CNTNAP5: variants seen among roughly 807,000 people sequenced by gnomAD.
CNTNAP5 encodes contactin-associated protein-like 5.
In CNTNAP5, 72 loss-of-function variants were observed where a neutral mutation model predicts 150.2. The ratio of observed to expected loss-of-function variants is 0.48; its 90% CI spans 0.40 to 0.58. The LOEUF is 0.58. CNTNAP5 is among the 20% of genes least tolerant of loss of function. CNTNAP5 has a pLI of 0.00. For synonymous variants in CNTNAP5, 672 were observed against 619.8 expected, an observed-to-expected ratio of 1.08 and a Z score of -1.25; for missense variants, 1,636 against 1,626.2, an observed-to-expected ratio of 1.01 and a Z score of -0.10.
intron 14 of CNTNAP5, among the ~76,000 whole-genome samples, chr2:124,751,234 A>G (rs1049769461): frequency 6.6e-6 from 1 of 151,886 alleles, no homozygotes; most frequent in Non-Finnish European, 1.5e-5. Context: ...GGTAGGGGGA[A>G]CATCTGTGTG....
intron 19 of CNTNAP5, among the ~76,000 whole-genome samples, chr2:124,835,592 A>G (rs1374368976): frequency 6.6e-6 from 1 of 151,954 alleles, no homozygotes; most frequent in African/African-American, 2.4e-5. Flanking sequence ...ATAAAATCCA[A>G]CCCTGGAATG....
intron 3 of CNTNAP5, among the ~76,000 whole-genome samples, chr2:124,370,695 A>T (rs760841820): frequency 2.6e-5 from 4 of 152,186 alleles, no homozygotes; most frequent in Non-Finnish European, 4.4e-5. Flanking sequence ...TCCACTGTTT[A>T]GATGTCCATA....
At position 124,775,171 on chromosome 2, in the gene CNTNAP5, A is replaced by G. The variant is rs552345400; in HGVS notation, c.2752+2154A>G. 5.3e-5 allele frequency among the ~76,000 whole-genome samples: 8 copies of G among 152,324 alleles called. No individual in the cohort carries two copies. In the East Asian group the frequency reaches 1.5e-3, roughly 29 times the overall value. ...GTTTGAATTTTCCTATTTAGAGTTC[A>G]GTGATATGCCCATTTAGAAATGTCA... is the stretch of plus-strand genomic sequence containing the variant. On this transcript the variant is annotated intron_variant, in intron 17 of 23. Coordinates refer to ENST00000682447, the MANE Select transcript of CNTNAP5 (RefSeq NM_001367498.1).
At chr2:124,602,887 T>G (rs1476289075) in intron 11 of CNTNAP5, among the ~76,000 whole-genome samples, 1 of 152,192 alleles carries the variant, frequency 6.6e-6, no homozygotes, top group Non-Finnish European at 1.5e-5. Context: ...CAACTCATCT[T>G]TTAAAACATA....
chr2:124,025,918 C>T (rs1680874972), intron 1 of CNTNAP5, among the ~76,000 whole-genome samples, 186 bp downstream of exon 1: 2 of 152,152 alleles, frequency 1.3e-5, no homozygotes, highest in Non-Finnish European at 2.9e-5. Flanking sequence ...ATGAGCCAAC[C>T]GTGCTGGATT....
At chr2:124,087,554 TCTA>T (rs1172555269) in intron 1 of CNTNAP5, among the ~76,000 whole-genome samples, 1 of 151,750 alleles carries the variant, frequency 6.6e-6, no homozygotes, top group Non-Finnish European at 1.5e-5. Flanking sequence ...AAACCCCATT[TCTA>T]CTAAAAATAC....
rs1573680467 is a variant in CNTNAP5 at position 124,875,784 on chromosome 2, T to C, written c.3436+6022T>C. Among the ~76,000 whole-genome samples, 3 of 151,024 alleles carry C rather than the reference T, an allele frequency of 2.0e-5. No individual in the cohort carries two copies. The South Asian group carries it at 6.3e-4, about 32-fold the overall frequency. On this transcript the variant is annotated intron_variant, in intron 21 of 23. Coordinates refer to ENST00000682447, the MANE Select transcript of CNTNAP5 (RefSeq NM_001367498.1). The stretch of plus-strand genomic sequence containing the variant: ...TGTAACTTCCAGGGAGGTGCTCAAC[T>C]GTGCTCCAAAAGAGCAATTCTGAAC...
chr2:124,563,270 C>T lies in CNTNAP5; in HGVS notation c.1703C>T (p.Thr568Ile). ...GGAAGCTGCTCCCAGTCCTGGACTA[C>T]CTTCTATTGTAACTGCAGTGACACA... ...HGGSCSQSWT[T>I]FYCNCSDTSY... The change falls in exon 11 of 24, where the codon ACC becomes ATC. Residue 568 changes from threonine (T) to isoleucine (I), a missense_variant. Physicochemically the swap from Thr to Ile is moderately conservative, Grantham distance 89 (BLOSUM62 -1). Transcript: ENST00000682447. 6.3e-7 allele frequency: 1 copy of T among 1,589,572 alleles called. No homozygotes were observed. Among genetic ancestry groups the T allele is most frequent in the Non-Finnish European group, 8.6e-7 (1 of 1,167,172 alleles).
chr2:124,074,099 C>T (rs565435699), intron 1 of CNTNAP5, among the ~76,000 whole-genome samples: 1 of 152,152 alleles, frequency 6.6e-6, no homozygotes, highest in East Asian at 1.9e-4. Context: ...GAAAGACAGA[C>T]TTTGCATATT....
At chr2:124,059,352 G>A (rs889182585) in intron 1 of CNTNAP5, among the ~76,000 whole-genome samples, 4 of 152,116 alleles carry the variant, frequency 2.6e-5, no homozygotes, top group Admixed American at 1.3e-4. Flanking sequence ...AGTAAATAAG[G>A]TCTCCCTCTA....
intron 11 of CNTNAP5, among the ~76,000 whole-genome samples, chr2:124,566,275 A>G (rs1381647601): frequency 1.3e-5 from 2 of 152,188 alleles, no homozygotes; most frequent in African/African-American, 4.8e-5. Context: ...TTTCAGCCAA[A>G]TCACATTACA....
At chr2:124,607,644 G>A (rs1437996900) in intron 11 of CNTNAP5, among the ~76,000 whole-genome samples, 1 of 152,138 alleles carries the variant, frequency 6.6e-6, no homozygotes, top group Admixed American at 6.5e-5. Flanking sequence ...GCTTCCACAG[G>A]GAGAAAGGGG....
chr2:124,268,970 A>G (rs780028), intron 3 of CNTNAP5, among the ~76,000 whole-genome samples: 45,028 of 151,976 alleles, frequency 0.3, 7,246 homozygotes, highest in Admixed American at 0.38. Context: ...CAGGACCCCT[A>G]AGTGCTCGTG....
intron 5 of CNTNAP5, among the ~76,000 whole-genome samples, chr2:124,441,306 G>A (rs1051629663): frequency 1.3e-5 from 2 of 151,968 alleles, no homozygotes; most frequent in Non-Finnish European, 2.9e-5. Context: ...TATGCAGCGT[G>A]AGGATTGTGT....
chr2:124,490,170 C>T (rs1460585657), intron 7 of CNTNAP5, among the ~76,000 whole-genome samples: 1 of 151,942 alleles, frequency 6.6e-6, no homozygotes, highest in African/African-American at 2.4e-5. Context: ...CCCATCTCTA[C>T]TAAAAATCCA....
chr2:124,765,218 C>T (rs989028081), intron 16 of CNTNAP5, among the ~76,000 whole-genome samples: 1 of 151,990 alleles, frequency 6.6e-6, no homozygotes, highest in African/African-American at 2.4e-5. Flanking sequence ...TTCTACATGT[C>T]TCTGCAAGCA....
At chr2:124,312,360 T>A (rs2104658742) in intron 3 of CNTNAP5, among the ~76,000 whole-genome samples, 1 of 152,300 alleles carries the variant, frequency 6.6e-6, no homozygotes, top group East Asian at 1.9e-4. Context: ...TATTTTTTAT[T>A]TTTCTGAGAT....
At chr2:124,268,047 C>A (rs1311602659) in intron 3 of CNTNAP5, among the ~76,000 whole-genome samples, 1 of 152,124 alleles carries the variant, frequency 6.6e-6, no homozygotes, top group Non-Finnish European at 1.5e-5. Context: ...ACAAGCGAAG[C>A]ACATTTGCAA....
chr2:124,371,785 T>C (rs1379516705), intron 3 of CNTNAP5, among the ~76,000 whole-genome samples: 1 of 152,048 alleles, frequency 6.6e-6, no homozygotes, highest in African/African-American at 2.4e-5. Flanking sequence ...AGGAAGAGAA[T>C]GTTTGTCTAC....
Sources: allele counts gnomAD v4.1 joint callset (sites outside exome capture counted in the v4.1 genomes callset), GRCh38; gene constraint gnomAD v4.1.1; transcripts MANE v1.5; gene names NCBI Gene and HGNC (gene_info 2026-07-23, HGNC 2026-07-21).